The following DLG2 variants were observed in gnomAD, a reference collection of about 807,000 sequenced individuals.
The protein encoded by DLG2 is disks large homolog 2.
Under a neutral mutation model 132.5 loss-of-function variants are expected in DLG2, and 45 were observed. The ratio of observed to expected loss-of-function variants is 0.34; its 90% CI spans 0.27 to 0.44. The LOEUF (loss-of-function observed/expected upper bound fraction) is 0.44. DLG2 is among the 20% of genes least tolerant of loss of function. DLG2 has a pLI of 1.00. For synonymous variants in DLG2, 424 were observed against 419.6 expected (o/e 1.01, Z -0.13); for missense variants, 1,045 against 1,196.9 (o/e 0.87, Z 1.87).
At chr11:83,872,124 G>A (rs554304536) in intron 16 of DLG2, among the ~76,000 whole-genome samples, 22 of 152,214 alleles carry the variant, frequency 1.4e-4, no homozygotes, top group African/African-American at 2.9e-4. Context: ...AGTAGCTGGC[G>A]TGGTGGTGTG....
chr11:84,321,686 C>T (rs1386252998), intron 7 of DLG2, among the ~76,000 whole-genome samples: 3 of 152,078 alleles, frequency 2.0e-5, no homozygotes, highest in Admixed American at 6.5e-5. Flanking sequence ...CCAAAGCCAC[C>T]GTAAATAAAC....
intron 6 of DLG2, among the ~76,000 whole-genome samples, chr11:85,070,490 C>T (rs1470120641): frequency 1.3e-5 from 2 of 151,592 alleles, no homozygotes; most frequent in Non-Finnish European, 3.0e-5. Context: ...ATTCAGGTGA[C>T]AGGTACTTAA....
intron 20 of DLG2, among the ~76,000 whole-genome samples, chr11:83,538,002 C>T (rs1259928556): frequency 3.9e-5 from 6 of 151,934 alleles, no homozygotes; most frequent in Non-Finnish European, 5.9e-5. Flanking sequence ...TGGTCCTCAA[C>T]CTCTTAGGAT....
intron 3 of DLG2, among the ~76,000 whole-genome samples, chr11:85,296,680 A>G (rs1034187157): frequency 2.0e-5 from 3 of 151,188 alleles, no homozygotes; most frequent in African/African-American, 7.3e-5. Flanking sequence ...CCACTGCACC[A>G]AAAGGATGAA....
intron 5 of DLG2, among the ~76,000 whole-genome samples, chr11:85,118,324 A>G (rs1464990673): frequency 6.6e-6 from 1 of 152,068 alleles, no homozygotes; most frequent in African/African-American, 2.4e-5. Flanking sequence ...GATGGTGCTG[A>G]GTCATCCTCA....
chr11:84,048,324 A>C (rs910695893), intron 11 of DLG2, among the ~76,000 whole-genome samples: 2 of 151,534 alleles, frequency 1.3e-5, no homozygotes, highest in Admixed American at 6.6e-5. Context: ...ATATATACTC[A>C]AGTAAATTTC....
intron 6 of DLG2, among the ~76,000 whole-genome samples, chr11:84,849,486 T>A (rs1005704134): frequency 6.6e-6 from 1 of 152,144 alleles, no homozygotes; most frequent in Admixed American, 6.6e-5. Flanking sequence ...CATGCTATAA[T>A]CTAGCCATAT....
intron 6 of DLG2, among the ~76,000 whole-genome samples, chr11:84,782,445 C>T (rs2071984534): frequency 6.6e-6 from 1 of 151,048 alleles, no homozygotes; most frequent in South Asian, 2.1e-4. Flanking sequence ...CTACCACACA[C>T]ACACACACAC....
chr11:83,708,877 G>A (rs2084690921), intron 18 of DLG2, among the ~76,000 whole-genome samples: 1 of 152,078 alleles, frequency 6.6e-6, no homozygotes, highest in Admixed American at 6.6e-5. Context: ...AGAAAGACTT[G>A]GATTGCATTC....
At chr11:84,420,714 G>C (rs2098947080) in intron 7 of DLG2, among the ~76,000 whole-genome samples, 1 of 118,592 alleles carries the variant, frequency 8.4e-6, no homozygotes, top group Non-Finnish European at 1.6e-5. Context: ...TGTCGCCCAG[G>C]CTGGAGTGCA....
intron 5 of DLG2, among the ~76,000 whole-genome samples, chr11:85,134,858 A>G (rs976573351): frequency 6.6e-6 from 1 of 152,192 alleles, no homozygotes; most frequent in Non-Finnish European, 1.5e-5. Context: ...TTTATAGTTA[A>G]AAAATATAAT....
chr11:84,948,080 C>T (rs2050451698), intron 6 of DLG2, among the ~76,000 whole-genome samples: 1 of 152,170 alleles, frequency 6.6e-6, no homozygotes, highest in Non-Finnish European at 1.5e-5. Context: ...GAATTTCTAG[C>T]TTTAGTAAAC....
At position 84,384,916 on chromosome 11, in the gene DLG2, G is replaced by A. The variant is rs186759866; in HGVS notation, c.520-133625C>T. 4.3e-4 allele frequency among the ~76,000 whole-genome samples: 66 copies of A among 152,104 alleles called. 1 individual carries two copies. The highest frequency in any genetic ancestry group is 8.5e-4 in the Non-Finnish European group (58 of 67,996). On this transcript the variant is annotated intron_variant, in intron 7 of 27. Coordinates refer to ENST00000376104, the MANE Select transcript of DLG2 (RefSeq NM_001142699.3). ...TACATTCAAAGGCAACTTTAACTGA[G>A]ATTTTGAATTCTTCCATCTGTTTCC...
At chr11:84,158,213 G>A (rs1479985746) in intron 9 of DLG2, among the ~76,000 whole-genome samples, 1 of 151,938 alleles carries the variant, frequency 6.6e-6, no homozygotes, top group South Asian at 2.1e-4. Flanking sequence ...ACAGGTGCCT[G>A]CCACGACGTC....
intron 7 of DLG2, among the ~76,000 whole-genome samples, chr11:84,389,960 A>G (rs1304334239): frequency 1.3e-5 from 2 of 152,180 alleles, no homozygotes; most frequent in Non-Finnish European, 1.5e-5. Context: ...CAACTTGATT[A>G]TGACTTAGCA....
intron 6 of DLG2, among the ~76,000 whole-genome samples, chr11:84,868,146 A>G (rs2084912463): frequency 6.8e-6 from 1 of 147,350 alleles, no homozygotes; most frequent in Non-Finnish European, 1.5e-5. Flanking sequence ...TTTTATTATT[A>G]TATTTATTAA....
intron 8 of DLG2, among the ~76,000 whole-genome samples, chr11:84,210,456 C>T (rs1281406420): frequency 3.3e-5 from 5 of 149,268 alleles, no homozygotes; most frequent in Admixed American, 1.3e-4. Flanking sequence ...TTAGTGGGTG[C>T]AGCGCACCAG....
Position 85,323,515 on chromosome 11 carries a change from C to A in DLG2, c.41-38150G>T, listed in dbSNP as rs144654673. On this transcript the variant is annotated intron_variant, in intron 3 of 27. Coordinates refer to ENST00000376104, the MANE Select transcript of DLG2 (RefSeq NM_001142699.3). ...TCTTTGTGTTGGGAACATTCCAAAT[C>A]TTCTCTTCAAGCTATTTTGAAATAT... Among the ~76,000 whole-genome samples the A allele has an allele frequency of 1.8e-3, 272 of 152,294 alleles. 1 individual carries two copies. The highest frequency in any genetic ancestry group is 3.0e-3 in the Non-Finnish European group (203 of 68,018).
chr11:85,356,471 G>A (rs1565371668), intron 3 of DLG2, among the ~76,000 whole-genome samples: 1 of 152,158 alleles, frequency 6.6e-6, no homozygotes, highest in South Asian at 2.1e-4. Context: ...AAATATTTAT[G>A]GAATTATTAT....
Sources: gnomAD v4.1 joint callset for allele counts (sites outside exome capture counted in the v4.1 genomes callset) on GRCh38, gnomAD v4.1.1 for gene constraint, MANE v1.5 for transcripts, NCBI Gene and HGNC (gene_info 2026-07-23, HGNC 2026-07-21) for gene names.